The following TTC39C variants were observed in gnomAD, a reference collection of about 807,000 sequenced individuals.
TTC39C encodes the protein tetratricopeptide repeat domain 39C.
Under a neutral mutation model 76.3 loss-of-function variants are expected in TTC39C, and 33 were observed. The ratio of observed to expected loss-of-function variants is 0.43; its 90% CI spans 0.33 to 0.58. The LOEUF (loss-of-function observed/expected upper bound fraction) is 0.58. Among genes scored for constraint, TTC39C ranks in the 20% least tolerant of loss-of-function variants. The pLI is 0.04. For missense variants in TTC39C, 595 were observed against 701.4 expected, an observed-to-expected ratio of 0.85 and a Z score of 1.71; for synonymous variants, 254 against 260.6, an observed-to-expected ratio of 0.97 and a Z score of 0.24.
At chr18:23,998,008 T>C (rs561612917) in intron 1 of TTC39C, among the ~76,000 whole-genome samples, 2 of 152,362 alleles carry the variant, frequency 1.3e-5, no homozygotes, top group Admixed American at 6.5e-5. Context: ...TGTTTTTGTA[T>C]ACTGCCAAGC....
chr18:24,108,693 CA>C (rs2084775934), intron 6 of TTC39C, among the ~76,000 whole-genome samples: 1 of 152,140 alleles, frequency 6.6e-6, no homozygotes, highest in South Asian at 2.1e-4. Flanking sequence ...TGGAAAATGT[CA>C]CCTGTAGTTA....
In TTC39C at chr18:24,006,015, ATT is replaced by A. The variant is rs11364340; in HGVS notation, c.-17+12991_-17+12992del. On this transcript the variant is annotated intron_variant, in intron 1 of 13. Transcript: ENST00000304621. ...GGTAAGTGAGCTTATCCTACAGAAT[ATT>A]TTTTTTTTTTTTTGAGACAGGGTCT... Among the ~76,000 whole-genome samples, 1,245 of 142,292 alleles carry A rather than the reference ATT, an allele frequency of 8.7e-3. 10 individuals carry two copies. Among genetic ancestry groups the A allele is most frequent in the African/African-American group, 0.02 (767 of 39,022 alleles). 93.3% of individuals were successfully genotyped at this position (142,292 alleles called of 152,430 possible).
chr18:23,994,919 A>G (rs181007298), intron 1 of TTC39C, among the ~76,000 whole-genome samples: 287 of 152,186 alleles, frequency 1.9e-3, no homozygotes, highest in African/African-American at 6.1e-3. Flanking sequence ...AAAAATAATA[A>G]TAATTATAAT....
rs1266935097 is a variant in TTC39C at position 24,084,043 on chromosome 18, G to C, written c.984+962G>C. Among the ~76,000 whole-genome samples the C allele has an allele frequency of 2.6e-5, 4 of 152,044 alleles. No individual in the cohort carries two copies. In the East Asian group the frequency reaches 7.7e-4, roughly 29 times the overall value. On this transcript the variant is annotated intron_variant, in intron 6 of 13. Coordinates refer to ENST00000317571, the MANE Select transcript of TTC39C (RefSeq NM_001135993.2). The stretch of plus-strand genomic sequence containing the variant: ...GGAATAATTTGTTTTTTTGGGGGTG[G>C]GGATGCAGGCAGTGGAGTGTATATT...
At chr18:24,102,234 A>T (rs957133350) in intron 6 of TTC39C, among the ~76,000 whole-genome samples, 1 of 152,156 alleles carries the variant, frequency 6.6e-6, no homozygotes, top group Admixed American at 6.5e-5. Context: ...GACTGTTGAG[A>T]GACCAAGGAA....
At chr18:24,071,142 C>G (rs2084237016) in intron 4 of TTC39C, among the ~76,000 whole-genome samples, 1 of 152,040 alleles carries the variant, frequency 6.6e-6, no homozygotes, top group South Asian at 2.1e-4. Context: ...GTTGGTCGGC[C>G]TGGTTTTGAA....
chr18:24,010,473 C>T (rs575809241), upstream of TTC39C, among the ~76,000 whole-genome samples: 2 of 152,198 alleles, frequency 1.3e-5, no homozygotes, highest in African/African-American at 4.8e-5. Flanking sequence ...CCTGATTTGC[C>T]TTCTAGTTAA....
chr18:24,048,007 GT>G (rs1157500365), intron 1 of TTC39C, among the ~76,000 whole-genome samples: 3 of 152,114 alleles, frequency 2.0e-5, no homozygotes, highest in Non-Finnish European at 4.4e-5. Flanking sequence ...ATTTAGCCAT[GT>G]TTATTTTATA....
intron 9 of TTC39C, among the ~76,000 whole-genome samples, chr18:24,124,904 G>A (rs950216144): frequency 6.6e-6 from 1 of 151,842 alleles, no homozygotes; most frequent in Non-Finnish European, 1.5e-5. Flanking sequence ...TTTTGTTTTT[G>A]TTTTTGAGAC....
chr18:24,131,718 A>C (rs1467961045), intron 12 of TTC39C, among the ~76,000 whole-genome samples, 164 bp from the exon 13 acceptor site: 2 of 152,078 alleles, frequency 1.3e-5, no homozygotes, highest in African/African-American at 2.4e-5. Context: ...ATCTCAAAAA[A>C]AAAAAAAAAA....
chr18:24,095,311 T>C (rs922258135), intron 6 of TTC39C, among the ~76,000 whole-genome samples: 4 of 152,256 alleles, frequency 2.6e-5, no homozygotes, highest in African/African-American at 9.6e-5. Context: ...TGATCTTCTA[T>C]CCAGACCACT....
intron 6 of TTC39C, among the ~76,000 whole-genome samples, chr18:24,107,073 C>T (rs940256226): frequency 2.6e-5 from 4 of 152,108 alleles, no homozygotes; most frequent in African/African-American, 4.8e-5. Context: ...CAACTCTAGA[C>T]GTGGAATCTT....
intron 2 of TTC39C, among the ~76,000 whole-genome samples, chr18:24,065,377 A>G (rs1405472066): frequency 6.6e-6 from 1 of 152,216 alleles, no homozygotes; most frequent in African/African-American, 2.4e-5. Flanking sequence ...CAGAAACCTC[A>G]GTTCTACTGT....
intron 4 of TTC39C, among the ~76,000 whole-genome samples, 163 bp from the exon 5 acceptor site, chr18:24,080,422 T>A (rs1056967485): frequency 4.6e-5 from 7 of 152,172 alleles, no homozygotes; most frequent in Admixed American, 1.3e-4. Flanking sequence ...AATAAGACAT[T>A]TAAGTAAGCA....
At position 24,097,512 on chromosome 18, in the gene TTC39C, T is replaced by G. The variant is rs536289870; in HGVS notation, c.984+14431T>G. Among the ~76,000 whole-genome samples the G allele has an allele frequency of 3.9e-5, 6 of 152,328 alleles. No homozygotes were observed. In the East Asian group the frequency reaches 1.2e-3, roughly 29 times the overall value. ...GTTTTGGCACCCATCAAGTGAAACT[T>G]TGCTCATCTTTTTTGGTCAGAATGG... On this transcript the variant is annotated intron_variant, in intron 6 of 13. Coordinates refer to ENST00000317571, the MANE Select transcript of TTC39C (RefSeq NM_001135993.2).
In TTC39C at chr18:24,134,257, G is replaced by GTTGTTTTTTTTTTTTTTTTT. The variant is rs1555779358; in HGVS notation, c.*1685_*1686insGTTTTTTTTTTTTTTTTTTT. The GTTGTTTTTTTTTTTTTTTTT allele has an allele frequency of 2.1e-4, 10 of 48,688 alleles. 4 individuals are homozygous for GTTGTTTTTTTTTTTTTTTTT. Among genetic ancestry groups the GTTGTTTTTTTTTTTTTTTTT allele is most frequent in the African/African-American group, 3.6e-4 (6 of 16,714 alleles). The allele number at this position is 48,688 out of a possible 1,614,324, so 3.0% of individuals were successfully genotyped here. A position where few individuals can be genotyped will look rare whatever the true frequency, so the allele number is the denominator to read the frequency against. On this transcript the variant is annotated 3_prime_UTR_variant, in exon 14 of 14. Coordinates refer to ENST00000317571, the MANE Select transcript of TTC39C (RefSeq NM_001135993.2). ...TGGTGCCCAAAAATATTGGACATCT[G>GTTGTTTTTTTTTTTTTTTTT]TTTTTTGTTTTTTTTTTTTTTTTTT...
At chr18:24,045,859 C>T (rs4800535) in intron 1 of TTC39C, among the ~76,000 whole-genome samples, 61,621 of 134,342 alleles carry the variant, frequency 0.46, 15,461 homozygotes, top group Non-Finnish European at 0.56. Flanking sequence ...CCACTACTTA[C>T]AGATAACATT....
rs2084394379 is a variant in TTC39C at position 24,082,897 on chromosome 18, C to T, written c.816-16C>T. The T allele has an allele frequency of 1.9e-6, 3 of 1,565,890 alleles. No individual in the cohort carries two copies. Among genetic ancestry groups the T allele is most frequent in the Non-Finnish European group, 2.6e-6 (3 of 1,153,144 alleles). ...GAAAGTTAATGTGCTCAATGTTTCT[C>T]TCCCTCTTCCTCTAGATTAGCTCTG... is the stretch of plus-strand genomic sequence containing the variant. On this transcript the variant is annotated splice_polypyrimidine_tract_variant and intron_variant, in intron 5 of 13. Coordinates refer to ENST00000317571, the MANE Select transcript of TTC39C (RefSeq NM_001135993.2).
At chr18:24,071,808 C>T (rs1027209262) in intron 4 of TTC39C, among the ~76,000 whole-genome samples, 12 of 152,166 alleles carry the variant, frequency 7.9e-5, no homozygotes, top group African/African-American at 2.7e-4. Context: ...TTTGCCTATT[C>T]TTCTAATAGT....
Sources: gnomAD v4.1 joint callset for allele counts (sites outside exome capture counted in the v4.1 genomes callset) on GRCh38, gnomAD v4.1.1 for gene constraint, MANE v1.5 for transcripts, NCBI Gene and HGNC (gene_info 2026-07-23, HGNC 2026-07-21) for gene names.